The following CCT4 variants were observed in gnomAD, a reference collection of about 807,000 sequenced individuals.
CCT4 encodes chaperonin containing TCP1 subunit 4.
A neutral mutation model predicts 62.5 loss-of-function variants in CCT4; 17 were observed. The ratio of observed to expected loss-of-function variants is 0.27; its 90% CI spans 0.19 to 0.41. CCT4 has a LOEUF of 0.41. CCT4 is among the 10% of genes least tolerant of loss of function. The probability of loss-of-function intolerance (pLI) is 1.00; values close to 1 mark genes in which losing one functional copy is unlikely to be tolerated. For synonymous variants in CCT4, 250 were observed against 229.9 expected (o/e 1.09, Z -0.79); for missense variants, 592 against 659.2 (o/e 0.90, Z 1.12).
At chr2:61,875,350 G>A (rs944971455) in intron 8 of CCT4, among the ~76,000 whole-genome samples, 1 of 151,802 alleles carries the variant, frequency 6.6e-6, no homozygotes, top group Non-Finnish European at 1.5e-5. Context: ...AGGCTGAGGC[G>A]GGTGGATCAT....
At chr2:61,883,589 T>A in intron 2 of CCT4, 41 bp from the exon 3 acceptor site, 1 of 922,050 alleles carries the variant, frequency 1.1e-6, no homozygotes, top group African/African-American at 1.7e-5. Flanking sequence ...ATGTCACACC[T>A]TAATAGTTTT....
intron 3 of CCT4, among the ~76,000 whole-genome samples, chr2:61,882,314 C>G (rs1189080831): frequency 1.3e-5 from 2 of 152,084 alleles, no homozygotes; most frequent in African/African-American, 4.8e-5. Context: ...CCTTATTCCT[C>G]GAGTGTATGC....
chr2:61,882,802 T>G (rs868316071), intron 3 of CCT4, among the ~76,000 whole-genome samples: 1 of 144,854 alleles, frequency 6.9e-6, no homozygotes, highest in African/African-American at 2.6e-5. Flanking sequence ...TGAGCCACTG[T>G]GCCCAGCTTT....
At chr2:61,873,151 T>G (rs774190197) in intron 9 of CCT4, 39 bp from the exon 10 acceptor site, 1 of 1,472,744 alleles carries the variant, frequency 6.8e-7, no homozygotes, top group Non-Finnish European at 9.5e-7. Context: ...AAGACATTTA[T>G]CTAATTATCA....
In CCT4 at chr2:61,875,964, C is replaced by G. The variant is rs1264247963; in HGVS notation, c.917+131G>C. 7.1e-6 allele frequency: 4 copies of G among 560,702 alleles called. No homozygotes were observed. In the Middle Eastern group the frequency reaches 1.4e-3, roughly 194 times the overall value. The allele number at this position is 560,702 out of a possible 1,614,324, so 34.7% of individuals were successfully genotyped here. A position where few individuals can be genotyped will look rare whatever the true frequency, so the allele number is the denominator to read the frequency against. On this transcript the variant is annotated intron_variant, in intron 8 of 13. Transcript: ENST00000394440. ...ATAAAAATTCTCCATTTCGTTTCAC[C>G]TAAGAGTTGTCTGTTAAGAAATACG...
chr2:61,872,554 G>T lies in CCT4; in HGVS notation c.1160C>A (p.Thr387Lys), dbSNP rs749746070. The change falls in exon 11 of 14, where the codon ACA becomes AAA. Residue 387 changes from threonine (T) to lysine (K), a missense_variant. By Grantham distance (78) the Thr-to-Lys change is moderately conservative. Transcript: ENST00000394440. ...TTTGTTAGAACCACGAACAACAATT[G>T]TAACTGTTTTTCCAGGGCTGGCACA... ...TGCASPGKTV[T>K]IVVRGSNKLV... is the part of the protein sequence containing the mutation. 19 of 1,613,746 alleles carry T rather than the reference G, an allele frequency of 1.2e-5. No individual in the cohort carries two copies. Among genetic ancestry groups the T allele is most frequent in the African/African-American group, 2.7e-5 (2 of 74,914 alleles).
intron 12 of CCT4, among the ~76,000 whole-genome samples, chr2:61,871,297 C>T (rs1224313932): frequency 1.3e-5 from 2 of 152,102 alleles, no homozygotes; most frequent in Non-Finnish European, 2.9e-5. Context: ...CTCGGCCTCC[C>T]AAACAGCTGG....
chr2:61,887,789 C>G (rs958025705), intron 1 of CCT4, among the ~76,000 whole-genome samples: 1 of 152,198 alleles, frequency 6.6e-6, no homozygotes, highest in Admixed American at 6.5e-5. Context: ...ATAATTGTTT[C>G]TTGATTTGCC....
chr2:61,886,972 T>A (rs1669267954), intron 1 of CCT4, among the ~76,000 whole-genome samples: 1 of 152,172 alleles, frequency 6.6e-6, no homozygotes, highest in Non-Finnish European at 1.5e-5. Flanking sequence ...TTGGTCAGGC[T>A]GGTCTTGAAC....
chr2:61,874,109 G>C (rs535490940), intron 8 of CCT4, among the ~76,000 whole-genome samples: 1 of 152,158 alleles, frequency 6.6e-6, no homozygotes, highest in African/African-American at 2.4e-5. Context: ...CCCATGAACT[G>C]TGAATAACAA....
chr2:61,878,512 A>C (rs970100865), intron 5 of CCT4, among the ~76,000 whole-genome samples: 2 of 152,224 alleles, frequency 1.3e-5, no homozygotes, highest in African/African-American at 4.8e-5. Flanking sequence ...AATGCCCACC[A>C]TATTAAATAT....
At position 61,885,079 on chromosome 2, in the gene CCT4, A is replaced by AT. The variant is rs767209479; in HGVS notation, c.128-8dup. 5 of 1,459,974 alleles carry AT rather than the reference A, an allele frequency of 3.4e-6. No individual in the cohort carries two copies. The Admixed American group carries it at 1.4e-4, about 40-fold the overall frequency. 90.4% of individuals were successfully genotyped at this position (1,459,974 alleles called of 1,614,324 possible). A position where few individuals can be genotyped will look rare whatever the true frequency, so the allele number is the denominator to read the frequency against. On this transcript the variant is annotated splice_polypyrimidine_tract_variant and splice_region_variant and intron_variant, in intron 1 of 13. Coordinates refer to ENST00000394440, the MANE Select transcript of CCT4 (RefSeq NM_006430.4). ...CTAATAGCATCAGCAACCGCTGCAG[A>AT]TGGGGGGGAAAAAAAAGAAAACAAA...
At chr2:61,869,702 A>G (rs1027439951) in intron 12 of CCT4, 149 bp from the exon 13 acceptor site, 3 of 586,372 alleles carry the variant, frequency 5.1e-6, no homozygotes, top group Non-Finnish European at 9.4e-6. Flanking sequence ...GCTTTTCTCT[A>G]CACTGTGGGA....
chr2:61,868,762 G>C lies in CCT4; in HGVS notation c.1606-56C>G, dbSNP rs1171858015. The C allele has an allele frequency of 3.1e-6, 4 of 1,293,138 alleles. No homozygotes were observed. The East Asian group carries it at 9.2e-5, about 30-fold the overall frequency. 80.1% of individuals were successfully genotyped at this position (1,293,138 alleles called of 1,614,324 possible). On this transcript the variant is annotated intron_variant, in intron 13 of 13. Coordinates refer to ENST00000394440, the MANE Select transcript of CCT4 (RefSeq NM_006430.4). ...CTGTAATGACAGAATTTTAAAGCTGGAAAATGTTTAAGGCAATTAATAAAA... is the reference window on the plus strand; with the variant it reads ...CTGTAATGACAGAATTTTAAAGCTGCAAAATGTTTAAGGCAATTAATAAAA...
chr2:61,875,573 ACT>A (rs1341090745), intron 8 of CCT4, among the ~76,000 whole-genome samples: 12 of 124,190 alleles, frequency 9.7e-5, no homozygotes, highest in South Asian at 5.6e-4. Context: ...ACAGAGTGAG[ACT>A]CTGTCTCAAA....
intron 13 of CCT4, among the ~76,000 whole-genome samples, chr2:61,869,042 T>C (rs942227701): frequency 1.4e-5 from 2 of 144,968 alleles, no homozygotes; most frequent in African/African-American, 2.6e-5. Flanking sequence ...GGTGGGAGAC[T>C]GAGGCAAGAG....
intron 13 of CCT4, among the ~76,000 whole-genome samples, 174 bp downstream of exon 13, chr2:61,869,266 G>A (rs1350521246): frequency 6.6e-6 from 1 of 151,962 alleles, no homozygotes; most frequent in African/African-American, 2.4e-5. Context: ...AACCCCAGAG[G>A]CAGAGGTTGC....
At chr2:61,877,597 G>C in intron 5 of CCT4, 83 bp from the exon 6 acceptor site, 2 of 1,104,254 alleles carry the variant, frequency 1.8e-6, no homozygotes, top group Non-Finnish European at 2.5e-6. Context: ...ACTTAAGAAA[G>C]ACTCTTATAA....
chr2:61,879,090 A>G, intron 4 of CCT4, 79 bp from the exon 5 acceptor site: 1 of 1,042,936 alleles, frequency 9.6e-7, no homozygotes. Flanking sequence ...TTTTCTACTC[A>G]ATGTCAAAGC....
Sources: gnomAD v4.1 joint callset for allele counts (sites outside exome capture counted in the v4.1 genomes callset) on GRCh38, gnomAD v4.1.1 for gene constraint, MANE v1.5 for transcripts, NCBI Gene and HGNC (gene_info 2026-07-23, HGNC 2026-07-21) for gene names.